Variants in PCDH15 observed in about 807,000 individuals in gnomAD.
PCDH15 encodes protocadherin related 15, also known as protocadherin-15.
Under a neutral mutation model 178.5 loss-of-function variants are expected in PCDH15, and 129 were observed. That is an observed-to-expected ratio of 0.72 (90% confidence interval 0.63 to 0.84). The LOEUF (loss-of-function observed/expected upper bound fraction) is 0.84. Among genes scored for constraint, PCDH15 ranks in the 40% least tolerant of loss-of-function variants. PCDH15 has a pLI of 0.00. For missense variants in PCDH15, 2,230 were observed against 2,099.9 expected, an observed-to-expected ratio of 1.06 and a Z score of -1.21; for synonymous variants, 800 against 732.0, an observed-to-expected ratio of 1.09 and a Z score of -1.50.
At chr10:54,644,451 A>G (rs1393248530) in intron 2 of PCDH15, among the ~76,000 whole-genome samples, 1 of 151,934 alleles carries the variant, frequency 6.6e-6, no homozygotes, top group Non-Finnish European at 1.5e-5. Context: ...TTAACTTGCA[A>G]CATGTCATAT....
chr10:55,379,262 C>G (rs1348230858), intron 2 of PCDH15, among the ~76,000 whole-genome samples: 1 of 151,902 alleles, frequency 6.6e-6, no homozygotes, highest in Non-Finnish European at 1.5e-5. Context: ...CTTTGGTAAT[C>G]ACAGACGCTT....
chr10:54,173,558 AAT>A (rs1187341951), intron 13 of PCDH15, among the ~76,000 whole-genome samples: 4 of 137,494 alleles, frequency 2.9e-5, no homozygotes, highest in Non-Finnish European at 6.9e-5. Context: ...ATTAACCTGA[AAT>A]ATAAGTTATT....
intron 2 of PCDH15, among the ~76,000 whole-genome samples, chr10:55,493,272 T>G (rs1257118167): frequency 6.8e-6 from 1 of 147,440 alleles, no homozygotes; most frequent in South Asian, 2.1e-4. Context: ...AAAAAAAAGC[T>G]AGGTGGGGCA....
chr10:55,568,914 T>C (rs1475149895), intron 2 of PCDH15, among the ~76,000 whole-genome samples: 1 of 151,968 alleles, frequency 6.6e-6, no homozygotes, highest in Non-Finnish European at 1.5e-5. Context: ...AGGGGTAACT[T>C]TGAGCAAGGC....
chr10:54,061,185 A>G (rs959148997), intron 18 of PCDH15, among the ~76,000 whole-genome samples: 5 of 152,270 alleles, frequency 3.3e-5, no homozygotes, highest in African/African-American at 1.2e-4. Context: ...GCAGTTGAGT[A>G]TGAGGCCTCT....
chr10:54,812,709 G>A (rs997473464), intron 3 of PCDH15, among the ~76,000 whole-genome samples: 1 of 151,426 alleles, frequency 6.6e-6, no homozygotes, highest in Non-Finnish European at 1.5e-5. Flanking sequence ...CGCCTGCCTC[G>A]GCCTCCCAAA....
intron 3 of PCDH15, among the ~76,000 whole-genome samples, chr10:54,837,293 G>C (rs1953333490): frequency 6.6e-6 from 1 of 151,938 alleles, no homozygotes; most frequent in Non-Finnish European, 1.5e-5. Context: ...GTAAACAAAA[G>C]AAAATAAAAA....
chr10:54,171,900 C>T (rs929801787), intron 13 of PCDH15, among the ~76,000 whole-genome samples: 1 of 150,876 alleles, frequency 6.6e-6, no homozygotes, highest in African/African-American at 2.4e-5. Flanking sequence ...CTTAATCTCT[C>T]CCAGTCTAGG....
chr10:54,865,272 T>C (rs966168579), intron 3 of PCDH15, among the ~76,000 whole-genome samples: 1 of 152,196 alleles, frequency 6.6e-6, no homozygotes, highest in African/African-American at 2.4e-5. Context: ...CTGAGTCTTC[T>C]GGCTGTCATC....
intron 2 of PCDH15, among the ~76,000 whole-genome samples, chr10:55,024,727 C>A (rs1840431627): frequency 6.6e-6 from 1 of 152,100 alleles, no homozygotes; most frequent in Non-Finnish European, 1.5e-5. Flanking sequence ...AAAGCTCATG[C>A]CTAATTGGCA....
intron 2 of PCDH15, among the ~76,000 whole-genome samples, chr10:55,570,358 G>A (rs538552699): frequency 6.6e-6 from 1 of 152,032 alleles, no homozygotes; most frequent in Non-Finnish European, 1.5e-5. Context: ...GTCTTCATAA[G>A]TGTCTAATAC....
intron 8 of PCDH15, among the ~76,000 whole-genome samples, chr10:54,243,960 T>C (rs2055669068): frequency 6.6e-6 from 1 of 152,160 alleles, no homozygotes; most frequent in Non-Finnish European, 1.5e-5. Context: ...TATATCAAAG[T>C]TCCTCAAATG....
chr10:54,231,528 T>G (rs903794458), intron 9 of PCDH15, among the ~76,000 whole-genome samples: 6 of 152,346 alleles, frequency 3.9e-5, no homozygotes, highest in Admixed American at 3.9e-4. Flanking sequence ...ACTGGGGCAC[T>G]GCCTATTGGA....
chr10:54,081,803 T>C (rs1020848055), intron 16 of PCDH15, among the ~76,000 whole-genome samples: 1 of 152,042 alleles, frequency 6.6e-6, no homozygotes, highest in Non-Finnish European at 1.5e-5. Flanking sequence ...TTATACAGGA[T>C]TGAAAATACA....
rs1272584101 is a variant in PCDH15 at position 53,809,141 on chromosome 10, T to TCTC, written c.4671+1412_4671+1414dup. 13 of 1,613,772 alleles carry TCTC rather than the reference T, an allele frequency of 8.1e-6. No individual in the cohort carries two copies. The highest frequency in any genetic ancestry group is 1.3e-5 in the African/African-American group (1 of 74,900). On this transcript the variant is annotated intron_variant, in intron 37 of 37. Coordinates refer to ENST00000644397, the MANE Select transcript of PCDH15 (RefSeq NM_001384140.1). ...GATTCTTCTGATTCAGGGGTGGAAC[T>TCTC]CTCCTCCTCCTCAGAGGGTGTCTCT...
intron 2 of PCDH15, among the ~76,000 whole-genome samples, chr10:55,552,345 A>G (rs1842017960): frequency 6.6e-6 from 1 of 151,602 alleles, no homozygotes; most frequent in Non-Finnish European, 1.5e-5. Context: ...TAAAATAGAA[A>G]CTCAAATGAA....
intron 2 of PCDH15, among the ~76,000 whole-genome samples, chr10:55,099,114 A>AT (rs897325335): frequency 6.6e-6 from 1 of 151,748 alleles, no homozygotes; most frequent in Non-Finnish European, 1.5e-5. Context: ...ACTCTATTTC[A>AT]TTTTTTTGAA....
intron 2 of PCDH15, among the ~76,000 whole-genome samples, chr10:55,131,254 C>T (rs924773553): frequency 7.2e-5 from 11 of 152,142 alleles, no homozygotes; most frequent in Non-Finnish European, 2.9e-5. Context: ...CCATAGTCTC[C>T]ATAGTTGCAG....
intron 2 of PCDH15, among the ~76,000 whole-genome samples, chr10:54,580,822 T>A (rs1190809967): frequency 1.3e-5 from 2 of 151,982 alleles, no homozygotes; most frequent in Non-Finnish European, 2.9e-5. Context: ...ATTCACCACA[T>A]AAACAAAATT....
Sources: allele counts gnomAD v4.1 joint callset (sites outside exome capture counted in the v4.1 genomes callset), GRCh38; gene constraint gnomAD v4.1.1; transcripts MANE v1.5; gene names NCBI Gene and HGNC (gene_info 2026-07-23, HGNC 2026-07-21).